The following MROH1 variants were observed in gnomAD, a reference collection of about 807,000 sequenced individuals.
MROH1 encodes the protein maestro heat like repeat family member 1, also known as maestro heat-like repeat-containing protein family member 1.
Under a neutral mutation model 116.5 loss-of-function variants are expected in MROH1, and 117 were observed. The observed-to-expected ratio is 1.00, with a 90% CI of 0.86 to 1.17. The LOEUF is 1.17. MROH1 is among the 50% of genes most tolerant of loss of function. MROH1 has a pLI of 0.00. For synonymous variants in MROH1, 921 were observed against 583.9 expected, an observed-to-expected ratio of 1.58 and a Z score of -8.32; for missense variants, 1,873 against 1,338.5, an observed-to-expected ratio of 1.40 and a Z score of -6.23.
At chr8:144,209,085 C>T (rs1236231868) in intron 12 of MROH1, among the ~76,000 whole-genome samples, 2 of 144,774 alleles carry the variant, frequency 1.4e-5, no homozygotes, top group Admixed American at 7.0e-5. Flanking sequence ...TTAGTGGAGA[C>T]GGAGTTTCGC....
intron 1 of MROH1, among the ~76,000 whole-genome samples, chr8:144,158,864 G>A (rs998526574): frequency 1.1e-4 from 17 of 151,882 alleles, no homozygotes; most frequent in Non-Finnish European, 2.4e-4. Flanking sequence ...CCTGCCTCCC[G>A]AGTAGCTGGG....
intron 37 of MROH1, 106 bp from the exon 38 acceptor site, chr8:144,259,805 T>C (rs1203362339): frequency 5.7e-6 from 4 of 702,190 alleles, no homozygotes; most frequent in Non-Finnish European, 1.0e-5. Context: ...TCCACCTCTG[T>C]CTGCCACACC....
rs2132919372 is a variant in MROH1, at chr8:144,241,491, TC to T, written c.2154del (p.Ile719LeufsTer18). On this transcript the variant is annotated frameshift_variant, in exon 22 of 44. Transcript: ENST00000326134. LOFTEE classifies it high-confidence loss of function. ...DFVRSEVFRK[S>X]IGILNIFKDR... is the part of the protein sequence containing the mutation. Reference sequence around the variant, plus strand: ...CGTGAGGTCAGAGGTCTTCAGAAAATCCATTGGCATTCTCAACATTTTTAAG... The same window carrying T: ...CGTGAGGTCAGAGGTCTTCAGAAAATCATTGGCATTCTCAACATTTTTAAG... The T allele has an allele frequency of 3.9e-6, 3 of 778,586 alleles. No individual in the cohort carries two copies. In the East Asian group the frequency reaches 7.3e-5, roughly 19 times the overall value. 48.2% of individuals were successfully genotyped at this position (778,586 alleles called of 1,614,324 possible). A position where few individuals can be genotyped will look rare whatever the true frequency, so the allele number is the denominator to read the frequency against.
intron 14 of MROH1, among the ~76,000 whole-genome samples, chr8:144,224,272 AATT>A (rs566501940): frequency 1.3e-4 from 20 of 152,088 alleles, no homozygotes; most frequent in Admixed American, 1.0e-3. Flanking sequence ...ATGTAATAAT[AATT>A]ATTATTATTT....
chr8:144,252,875 G>C (rs1843069423), intron 33 of MROH1, among the ~76,000 whole-genome samples: 1 of 151,764 alleles, frequency 6.6e-6, no homozygotes, highest in African/African-American at 2.4e-5. Context: ...AGAATCACTT[G>C]AACCCAGGAG....
Position 144,255,635 on chromosome 8 carries a change from C to A in MROH1, c.3721C>A (p.Arg1241=). ...VSCTVGVQLP[R]NLQAQERRGA... ...CTGCACCGTGGGTGTCCAGCTGCCC[C>A]GGAACCTGCAGGCCCAGGAAAGGAG... The change falls in exon 35 of 44, where the codon CGG becomes AGG. Residue 1241 remains arginine, a synonymous_variant. Transcript: ENST00000326134. The A allele has an allele frequency of 1.3e-6, 1 of 773,658 alleles. No individual in the cohort carries two copies. The allele number at this position is 773,658 out of a possible 1,614,324, so 47.9% of individuals were successfully genotyped here.
intron 12 of MROH1, among the ~76,000 whole-genome samples, chr8:144,209,666 T>C (rs181597828): frequency 1.3e-5 from 2 of 151,996 alleles, no homozygotes; most frequent in Non-Finnish European, 2.9e-5. Context: ...CCTAGCACTT[T>C]GGGATCCCGT....
At chr8:144,248,720 G>T (rs933397116) in intron 31 of MROH1, among the ~76,000 whole-genome samples, 157 bp from the exon 32 acceptor site, 1 of 152,188 alleles carries the variant, frequency 6.6e-6, no homozygotes, top group South Asian at 2.1e-4. Context: ...CCCGTGCAGC[G>T]AGCTCATTGA....
chr8:144,258,998 G>A (rs998410910), intron 36 of MROH1, 84 bp downstream of exon 36: 6 of 649,858 alleles, frequency 9.2e-6, no homozygotes, highest in Middle Eastern at 8.1e-4. Context: ...GATCAGGCGG[G>A]GGCCCATGCG....
Position 144,259,262 on chromosome 8 carries a change from C to T in MROH1, c.3952C>T (p.Pro1318Ser). ...LARAMAEHAGPRLPLVLKTLA... is the reference protein window; with the variant it reads ...LARAMAEHAGSRLPLVLKTLA... ...CAGGGCCATGGCTGAGCACGCAGGG[C>T]CCCGACTCCCCCTGGTGCTGAAGAC... The change falls in exon 37 of 44, where the codon CCC becomes TCC. Residue 1318 changes from proline (P) to serine (S), a missense_variant. Coordinates refer to ENST00000326134, the MANE Select transcript of MROH1 (RefSeq NM_032450.3). The T allele has an allele frequency of 1.4e-6, 1 of 714,468 alleles. No individual in the cohort carries two copies. The highest frequency in any genetic ancestry group is 2.6e-6 in the Non-Finnish European group (1 of 384,860). The allele number at this position is 714,468 out of a possible 1,614,324, so 44.3% of individuals were successfully genotyped here.
chr8:144,195,219 AG>A (rs1393355686), intron 10 of MROH1, among the ~76,000 whole-genome samples: 3 of 141,932 alleles, frequency 2.1e-5, no homozygotes, highest in East Asian at 2.2e-4. Flanking sequence ...AAAAAAAAAA[AG>A]GCCGAGTGCC....
intron 4 of MROH1, among the ~76,000 whole-genome samples, 177 bp from the exon 5 acceptor site, chr8:144,179,278 G>A (rs1174013548): frequency 2.0e-5 from 3 of 152,154 alleles, no homozygotes; most frequent in Non-Finnish European, 4.4e-5. Context: ...TGGGCCGTGA[G>A]TGTGAGGCTT....
At chr8:144,153,763 T>C (rs1164670755) in intron 1 of MROH1, among the ~76,000 whole-genome samples, 1 of 152,150 alleles carries the variant, frequency 6.6e-6, no homozygotes, top group African/African-American at 2.4e-5. Flanking sequence ...TGTTTTTATT[T>C]TATTTTTTAT....
chr8:144,205,386 C>G (rs1156772539), intron 12 of MROH1, among the ~76,000 whole-genome samples: 1 of 152,208 alleles, frequency 6.6e-6, no homozygotes, highest in Middle Eastern at 3.4e-3. Context: ...CTTCTAGAAT[C>G]TGTTACTGCT....
chr8:144,234,114 A>G (rs148120629), intron 14 of MROH1, among the ~76,000 whole-genome samples: 2,399 of 152,102 alleles, frequency 0.016, 56 homozygotes, highest in African/African-American at 0.053. Flanking sequence ...GGTTCACGCC[A>G]TTCTCCTGCC....
chr8:144,260,081 G>A (rs1363872477), intron 38 of MROH1, 24 bp downstream of exon 38: 1 of 733,024 alleles, frequency 1.4e-6, no homozygotes, highest in African/African-American at 1.7e-5. Flanking sequence ...CAGCCCCTCT[G>A]GGTCCCAGGC....
chr8:144,161,928 G>A (rs888482987), intron 2 of MROH1, among the ~76,000 whole-genome samples: 3 of 152,204 alleles, frequency 2.0e-5, no homozygotes, highest in African/African-American at 7.2e-5. Context: ...TCTGGCTTGT[G>A]ATGCTCCACG....
intron 12 of MROH1, among the ~76,000 whole-genome samples, chr8:144,203,353 G>T: frequency 6.7e-6 from 1 of 149,440 alleles, no homozygotes; most frequent in Non-Finnish European, 1.5e-5. Flanking sequence ...TCTCTGTGGA[G>T]GGGCGGGGAG....
At chr8:144,188,227 G>A (rs1342179697) in intron 7 of MROH1, among the ~76,000 whole-genome samples, 1 of 152,192 alleles carries the variant, frequency 6.6e-6, no homozygotes, top group Non-Finnish European at 1.5e-5. Flanking sequence ...AACTGCAGAT[G>A]AACATCACCA....
Sources: allele counts gnomAD v4.1 joint callset (sites outside exome capture counted in the v4.1 genomes callset), GRCh38; gene constraint gnomAD v4.1.1; transcripts MANE v1.5; gene names NCBI Gene and HGNC (gene_info 2026-07-23, HGNC 2026-07-21).